Variants in ELF3 observed in about 807,000 individuals in gnomAD.
ELF3 encodes the protein ETS-related transcription factor Elf-3.
Under a neutral mutation model 43.9 loss-of-function variants are expected in ELF3, and 18 were observed. The observed-to-expected ratio is 0.41, with a 90% CI of 0.28 to 0.61. The LOEUF (loss-of-function observed/expected upper bound fraction) is 0.61. Among genes scored for constraint, ELF3 ranks in the 20% least tolerant of loss-of-function variants. The pLI is 0.30. For synonymous variants in ELF3, 181 were observed against 190.2 expected (o/e 0.95, Z 0.40); for missense variants, 373 against 487.7 (o/e 0.76, Z 2.21).
In ELF3 at chr1:202,011,149, T is replaced by C. The variant is rs143610955; in HGVS notation, c.13T>C (p.Cys5Arg). Residue 5 changes from cysteine (C) to arginine (R), a missense_variant, in exon 2 of 9, where the codon TGT becomes CGT. Physicochemically the swap from Cys to Arg is radical, Grantham distance 180. Around this residue, in one of 3 missense-constraint regions of ELF3, gnomAD observed 311 missense variants for 351.2 expected, o/e 0.89. Coordinates refer to ENST00000367284, the MANE Select transcript of ELF3 (RefSeq NM_004433.5). MAATCEISNIFSNYF... is the reference protein window; with the variant it reads MAATREISNIFSNYF... ...CACAGGTAGCCTCATGGCTGCAACC[T>C]GTGAGATTAGCAACATTTTTAGCAA... The C allele has an allele frequency of 4.0e-4, 651 of 1,614,060 alleles. 1 individual carries two copies. The highest frequency in any genetic ancestry group is 5.1e-4 in the Non-Finnish European group (599 of 1,179,972).
chr1:202,011,117 C>A lies in ELF3; in HGVS notation c.-8-12C>A. ...CCCTCACCAACCTCATCCTCTCTCC[C>A]CCTACCCACAGGTAGCCTCATGGCT... On this transcript the variant is annotated splice_polypyrimidine_tract_variant and intron_variant, in intron 1 of 8. Transcript: ENST00000367284. 6.2e-7 allele frequency: 1 copy of A among 1,613,606 alleles called. No homozygotes were observed. The highest frequency in any genetic ancestry group is 8.5e-7 in the Non-Finnish European group (1 of 1,179,688).
chr1:202,013,410 CT>C lies in ELF3; in HGVS notation c.805+115del. ...CCGTTTTCTCTGGCCTCCGCATGGCCTTTGGTAAGGCTGTGCACAAGCTGGG... is the reference window on the plus strand; with the variant it reads ...CCGTTTTCTCTGGCCTCCGCATGGCCTTGGTAAGGCTGTGCACAAGCTGGG... On this transcript the variant is annotated intron_variant, in intron 7 of 8. Transcript: ENST00000367284. The surrounding 1 kb of genome is among the most constrained non-coding windows in gnomAD (Gnocchi z 5.7). 5 of 1,101,478 alleles carry C rather than the reference CT, an allele frequency of 4.5e-6. No homozygotes were observed. Among genetic ancestry groups the C allele is most frequent in the Non-Finnish European group, 5.4e-6 (4 of 745,914 alleles). 68.2% of individuals were successfully genotyped at this position (1,101,478 alleles called of 1,614,324 possible).
In ELF3 at chr1:202,012,698, C is replaced by A; in HGVS notation, c.537C>A (p.Tyr179Ter). ...LLDDGQQASP[Y>*]HPGSCGAGAP... ...ACGACGGTCAGCAAGCCAGCCCCTA[C>A]CACCCCGGCAGCTGTGGCGCAGGAG... The change falls in exon 5 of 9, where the codon TAC (tyrosine) becomes TAA (stop). Residue 179 changes from tyrosine (Y) to a stop codon, truncating the protein, a stop_gained. Transcript: ENST00000367284. LOFTEE classifies it high-confidence loss of function. The surrounding 1 kb of genome is among the most constrained non-coding windows in gnomAD (Gnocchi z 4.2). The A allele has an allele frequency of 6.2e-7, 1 of 1,608,636 alleles. No individual in the cohort carries two copies. The highest frequency in any genetic ancestry group is 8.5e-7 in the Non-Finnish European group (1 of 1,177,434).
At chr1:202,014,980 C>A in intron 8 of ELF3, 1 of 500,066 alleles carries the variant, frequency 2.0e-6, no homozygotes, top group Non-Finnish European at 3.6e-6. Context: ...GAAGCAAAGG[C>A]AAAGAGCCCT....
chr1:202,015,058 G>A (rs1189580617), intron 8 of ELF3, 151 bp from the exon 9 acceptor site: 3 of 660,270 alleles, frequency 4.5e-6, no homozygotes, highest in Non-Finnish European at 5.4e-6. Flanking sequence ...AAGAACAGAG[G>A]AGTTTAGGAA....
Position 202,017,011 on chromosome 1 carries a change from G to A in ELF3, c.*1688G>A, listed in dbSNP as rs1684321842. ...TAGGTTTTAGGGAGGACAGTTCATT[G>A]ATGTTACTTAAGAATGCTTTCCAGG... On this transcript the variant is annotated 3_prime_UTR_variant, in exon 9 of 9. Coordinates refer to ENST00000367284, the MANE Select transcript of ELF3 (RefSeq NM_004433.5). The A allele has an allele frequency of 6.6e-6, 1 of 152,158 alleles. No homozygotes were observed. The highest frequency in any genetic ancestry group is 1.5e-5 in the Non-Finnish European group (1 of 68,032). 9.4% of individuals were successfully genotyped at this position (152,158 alleles called of 1,614,324 possible). A position where few individuals can be genotyped will look rare whatever the true frequency, so the allele number is the denominator to read the frequency against.
chr1:202,012,139 C>A lies in ELF3; in HGVS notation c.346C>A (p.Pro116Thr). The part of the protein sequence containing the change: ...ALEELRLVFG[P>T]LGDQLHAQLR... ...TGAGGAGCTGCGTCTGGTCTTTGGG[C>A]CTCTGGGGGACCAACTCCATGCCCA... is the stretch of plus-strand genomic sequence containing the variant. The change falls in exon 3 of 9, where the codon CCT (proline) becomes ACT (threonine). Residue 116 changes from proline to threonine, a missense_variant. Coordinates refer to ENST00000367284, the MANE Select transcript of ELF3 (RefSeq NM_004433.5). The surrounding 1 kb of genome is among the most constrained non-coding windows in gnomAD (Gnocchi z 4.2). 6.2e-7 allele frequency: 1 copy of A among 1,613,812 alleles called. No homozygotes were observed. Among genetic ancestry groups the A allele is most frequent in the Non-Finnish European group, 8.5e-7 (1 of 1,180,030 alleles).
Position 202,015,429 on chromosome 1 carries a change from A to G in ELF3, c.*106A>G, listed in dbSNP as rs1684291683. 5.5e-6 allele frequency: 6 copies of G among 1,088,378 alleles called. No homozygotes were observed. The South Asian group carries it at 8.2e-5, about 15-fold the overall frequency. 67.4% of individuals were successfully genotyped at this position (1,088,378 alleles called of 1,614,324 possible). A position where few individuals can be genotyped will look rare whatever the true frequency, so the allele number is the denominator to read the frequency against. On this transcript the variant is annotated 3_prime_UTR_variant, in exon 9 of 9. Transcript: ENST00000367284. ...GGCCCCTCCACTGGGGAATGCTCCC[A>G]GCTGTGCTGTGGAGAGAAGCTGATG...
chr1:202,013,029 C>T lies in ELF3; in HGVS notation c.681C>T (p.Phe227=), dbSNP rs374510769. The T allele has an allele frequency of 4.3e-6, 7 of 1,613,184 alleles. No homozygotes were observed. In the African/African-American group the frequency reaches 6.7e-5, roughly 15 times the overall value. ...VDLDPTDGKL[F]PSDGFRDCKK... ...TGGATCCCACTGATGGCAAGCTCTT[C>T]CCCAGCGGTGAGTCGAGGGAGGTCC... Residue 227 remains phenylalanine, a synonymous_variant, in exon 6 of 9, where the codon TTC becomes TTT. Transcript: ENST00000367284. The surrounding 1 kb of genome is among the most constrained non-coding windows in gnomAD (Gnocchi z 5.7).
intron 8 of ELF3, 64 bp downstream of exon 8, chr1:202,014,088 C>T: frequency 6.6e-7 from 1 of 1,504,712 alleles, no homozygotes; most frequent in Non-Finnish European, 8.9e-7. Flanking sequence ...CACACTCCCA[C>T]CGCCCTCTTT....
Position 202,013,650 on chromosome 1 carries a change from A to T in ELF3, c.806-179A>T. 2.8e-6 allele frequency: 2 copies of T among 704,034 alleles called. No individual in the cohort carries two copies. Among genetic ancestry groups the T allele is most frequent in the Non-Finnish European group, 4.7e-6 (2 of 421,900 alleles). The allele number at this position is 704,034 out of a possible 1,614,324, so 43.6% of individuals were successfully genotyped here. A position where few individuals can be genotyped will look rare whatever the true frequency, so the allele number is the denominator to read the frequency against. ...TGTGAGGAGGCAGCTGGTGGGTCTT[A>T]GGTGGGCTGAGGAGAAAAGCAGTCA... On this transcript the variant is annotated intron_variant, in intron 7 of 8. Coordinates refer to ENST00000367284, the MANE Select transcript of ELF3 (RefSeq NM_004433.5). The surrounding 1 kb of genome is among the most constrained non-coding windows in gnomAD (Gnocchi z 5.7).
intron 2 of ELF3, chr1:202,011,577 A>G (rs1684196762): frequency 4.1e-6 from 2 of 481,946 alleles, no homozygotes; most frequent in Admixed American, 7.8e-5. Context: ...TGCTCCAGGA[A>G]TGGGGCTGTG....
In ELF3 at chr1:202,013,063, G is replaced by A. The variant is rs374969944; in HGVS notation, c.688+27G>A. ...TGAGTCGAGGGAGGTCCCCAAGAGG[G>A]CGTCCCATTTAGCAATGCACAGGGG... is the stretch of plus-strand genomic sequence containing the variant. On this transcript the variant is annotated intron_variant, in intron 6 of 8. Coordinates refer to ENST00000367284, the MANE Select transcript of ELF3 (RefSeq NM_004433.5). This position sits in a 1 kb window ranked among gnomAD's most constrained non-coding sequence, Gnocchi z 5.7. 1.2e-6 allele frequency: 2 copies of A among 1,607,592 alleles called. No individual in the cohort carries two copies. Among genetic ancestry groups the A allele is most frequent in the East Asian group, 4.5e-5 (2 of 44,862 alleles).
In ELF3 at chr1:202,013,135, T is replaced by C. The variant is rs1035513508; in HGVS notation, c.689-47T>C. 3.7e-6 allele frequency: 6 copies of C among 1,608,996 alleles called. No individual in the cohort carries two copies. In the African/African-American group the frequency reaches 6.7e-5, roughly 18 times the overall value. ...TTTCCTGTAGAGGGGCTACTCTCCC[T>C]AACTCCCCTCTTGCCCCTCCTTGAC... On this transcript the variant is annotated intron_variant, in intron 6 of 8. Coordinates refer to ENST00000367284, the MANE Select transcript of ELF3 (RefSeq NM_004433.5). The surrounding 1 kb of genome is among the most constrained non-coding windows in gnomAD (Gnocchi z 5.7).
In ELF3 at chr1:202,013,296, A is replaced by T. The variant is rs1361341878; in HGVS notation, c.803A>T (p.His268Leu). ...TGTCTCGAGGGCAAGAAGAGCAAGCACGGTGAGCTCCGGGGGCACGTGGGT... is the reference window on the plus strand; with the variant it reads ...TGTCTCGAGGGCAAGAAGAGCAAGCTCGGTGAGCTCCGGGGGCACGTGGGT... ...WDCLEGKKSK[H>L]APRGTHLWEF... Residue 268 changes from histidine (H) to leucine (L), a missense_variant and splice_region_variant, in exon 7 of 9, where the codon CAC becomes CTC. Around this residue, in one of 3 missense-constraint regions of ELF3, gnomAD observed 311 missense variants for 351.2 expected, o/e 0.89. Coordinates refer to ENST00000367284, the MANE Select transcript of ELF3 (RefSeq NM_004433.5). This position sits in a 1 kb window ranked among gnomAD's most constrained non-coding sequence, Gnocchi z 5.7. The T allele has an allele frequency of 6.2e-7, 1 of 1,613,236 alleles. No homozygotes were observed. Among genetic ancestry groups the T allele is most frequent in the African/African-American group, 1.3e-5 (1 of 75,030 alleles).
At chr1:202,015,004 G>C in intron 8 of ELF3, 1 of 547,048 alleles carries the variant, frequency 1.8e-6, no homozygotes, top group Non-Finnish European at 3.3e-6. Context: ...TCCTGGGCAC[G>C]GTTACAGGCC....
At position 202,013,687 on chromosome 1, in the gene ELF3, G is replaced by A. The variant is rs563980092; in HGVS notation, c.806-142G>A. ...GAGAAAAGCAGTCACTGCAGTACCCGCACAGAGGGCACTGCGGGGTCTCTG... is the reference window on the plus strand; with the variant it reads ...GAGAAAAGCAGTCACTGCAGTACCCACACAGAGGGCACTGCGGGGTCTCTG... On this transcript the variant is annotated intron_variant, in intron 7 of 8. Transcript: ENST00000367284. This position sits in a 1 kb window ranked among gnomAD's most constrained non-coding sequence, Gnocchi z 5.7. The A allele has an allele frequency of 4.1e-5, 37 of 893,824 alleles. No homozygotes were observed. The highest frequency in any genetic ancestry group is 3.0e-4 in the South Asian group (17 of 56,284). 55.4% of individuals were successfully genotyped at this position (893,824 alleles called of 1,614,324 possible).
Position 202,012,017 on chromosome 1 carries a change from G to A in ELF3, c.224G>A (p.Trp75Ter). ...QFWSKTQVLD[W>*]ISYQVEKNKY... Reference sequence around the variant, plus strand: ...TGGTCGAAGACGCAGGTTCTGGACTGGATCAGCTACCAAGTGGAGAAGAAC... The same window carrying A: ...TGGTCGAAGACGCAGGTTCTGGACTAGATCAGCTACCAAGTGGAGAAGAAC... Residue 75 changes from tryptophan (W) to a stop codon, truncating the protein, a stop_gained, in exon 3 of 9, where the codon TGG becomes TAG. Transcript: ENST00000367284. LOFTEE classifies it high-confidence loss of function. This position sits in a 1 kb window ranked among gnomAD's most constrained non-coding sequence, Gnocchi z 4.2. The A allele has an allele frequency of 6.2e-7, 1 of 1,614,220 alleles. No homozygotes were observed. Among genetic ancestry groups the A allele is most frequent in the Non-Finnish European group, 8.5e-7 (1 of 1,180,046 alleles).
At chr1:202,011,066 G>A in intron 1 of ELF3, 63 bp from the exon 2 acceptor site, 1 of 1,587,092 alleles carries the variant, frequency 6.3e-7, no homozygotes, top group Non-Finnish European at 8.6e-7. Flanking sequence ...CAGAGTAGCT[G>A]GGAGTGTAAG....
Sources: gnomAD v4.1 joint callset for allele counts on GRCh38, gnomAD v4.1.1 for gene constraint, gnomAD v4.1.1 regional missense constraint, Gnocchi (gnomAD v3.1) non-coding constraint, MANE v1.5 for transcripts, NCBI Gene and HGNC (gene_info 2026-07-23, HGNC 2026-07-21) for gene names.